Variants in PI4KA observed in about 807,000 individuals in gnomAD.
PI4KA encodes the protein phosphatidylinositol 4-kinase alpha.
Under a neutral mutation model 271.4 loss-of-function variants are expected in PI4KA, and 122 were observed. The ratio of observed to expected loss-of-function variants is 0.45; its 90% CI spans 0.39 to 0.52. PI4KA has a LOEUF of 0.52. Ranked by LOEUF, PI4KA falls within the 20% of genes least tolerant of loss-of-function variation. The pLI is 0.00. For synonymous variants in PI4KA, 1,041 were observed against 1,078.8 expected (o/e 0.96, Z 0.69); for missense variants, 1,969 against 2,769.1 (o/e 0.71, Z 6.48).
At chr22:20,753,773 G>A (rs534328341) in intron 23 of PI4KA, among the ~76,000 whole-genome samples, 16 of 152,030 alleles carry the variant, frequency 1.1e-4, no homozygotes, top group Non-Finnish European at 1.8e-4. Context: ...TGCAACCTCC[G>A]CCTCCTGGGT....
chr22:20,830,975 G>A (rs564668885), intron 3 of PI4KA, among the ~76,000 whole-genome samples: 1 of 152,238 alleles, frequency 6.6e-6, no homozygotes, highest in East Asian at 1.9e-4. Context: ...GTTTCACCAT[G>A]TTGGCCAGCC....
intron 42 of PI4KA, among the ~76,000 whole-genome samples, chr22:20,724,687 T>C (rs915660583): frequency 6.6e-6 from 1 of 151,690 alleles, no homozygotes; most frequent in Non-Finnish European, 1.5e-5. Context: ...GAGTCCTGAG[T>C]TGGTACAACC....
intron 1 of PI4KA, among the ~76,000 whole-genome samples, chr22:20,847,155 A>G (rs1211476422): frequency 6.6e-6 from 1 of 151,996 alleles, no homozygotes; most frequent in Non-Finnish European, 1.5e-5. Context: ...CTCAAAAAAA[A>G]AAAAAAAAAG....
chr22:20,719,569 T>C (rs1926445816), intron 43 of PI4KA, among the ~76,000 whole-genome samples: 1 of 152,124 alleles, frequency 6.6e-6, no homozygotes, highest in African/African-American at 2.4e-5. Flanking sequence ...CCTTTGTTTT[T>C]ACTTGAAGAA....
At chr22:20,790,636 G>C (rs1009788515) in intron 19 of PI4KA, among the ~76,000 whole-genome samples, 1 of 151,372 alleles carries the variant, frequency 6.6e-6, no homozygotes, top group Non-Finnish European at 1.5e-5. Context: ...ACTCCAGTCT[G>C]GGTGACAGAG....
intron 3 of PI4KA, among the ~76,000 whole-genome samples, chr22:20,829,582 CT>C (rs34438790): frequency 2.0e-4 from 29 of 146,350 alleles, no homozygotes; most frequent in Admixed American, 3.4e-4. Context: ...AGCTAGTGAT[CT>C]TTTTTTTTTT....
rs925953977 is a variant in PI4KA at position 20,807,391 on chromosome 22, A to C, written c.1139T>G (p.Met380Arg). 4 of 1,612,740 alleles carry C rather than the reference A, an allele frequency of 2.5e-6. No individual in the cohort carries two copies. The highest frequency in any genetic ancestry group is 3.4e-6 in the Non-Finnish European group (4 of 1,178,858). ...SDPLYLTMFK[M>R]LRDTLYYMKD... ...CATGTAGTACAGAGTGTCACGCAGCATCTTGAACATGGTCAGGTAGAGAGG... is the reference window on the plus strand; with the variant it reads ...CATGTAGTACAGAGTGTCACGCAGCCTCTTGAACATGGTCAGGTAGAGAGG... Residue 380 changes from methionine to arginine, a missense_variant, in exon 10 of 55, where the codon ATG becomes AGG. By Grantham distance (91) the Met-to-Arg change is moderately conservative (BLOSUM62 -1). Coordinates refer to ENST00000255882, the MANE Select transcript of PI4KA (RefSeq NM_058004.4).
At chr22:20,751,653 A>G (rs1930707020) in intron 26 of PI4KA, 21 bp downstream of exon 26, 5 of 1,603,902 alleles carry the variant, frequency 3.1e-6, no homozygotes, top group Non-Finnish European at 4.3e-6. Context: ...TTTGGGCCCT[A>G]GGTCTCCTGG....
chr22:20,720,847 T>C (rs1319707246), intron 43 of PI4KA, among the ~76,000 whole-genome samples: 1 of 152,234 alleles, frequency 6.6e-6, no homozygotes, highest in Non-Finnish European at 1.5e-5. Flanking sequence ...TGAAATTCTG[T>C]CTTAATCTCT....
At chr22:20,770,555 G>T (rs1454197010) in intron 19 of PI4KA, among the ~76,000 whole-genome samples, 4 of 131,370 alleles carry the variant, frequency 3.0e-5, no homozygotes, top group East Asian at 2.3e-4. Flanking sequence ...GATCGGTTTT[G>T]CTATGTTGCC....
intron 29 of PI4KA, 136 bp downstream of exon 29, chr22:20,747,447 T>C: frequency 1.2e-6 from 1 of 838,286 alleles, no homozygotes; most frequent in Admixed American, 2.8e-5. Context: ...ACCACTACCA[T>C]TGTCAACAGA....
chr22:20,807,403 G>A lies in PI4KA; in HGVS notation c.1127C>T (p.Thr376Ile). 1.2e-6 allele frequency: 2 copies of A among 1,613,620 alleles called. No homozygotes were observed. Among genetic ancestry groups the A allele is most frequent in the Non-Finnish European group, 1.7e-6 (2 of 1,179,546 alleles). ...YTSFSDPLYL[T>I]MFKMLRDTLY... ...AGTGTCACGCAGCATCTTGAACATG[G>A]TCAGGTAGAGAGGGTCACTGAAGGA... The change falls in exon 10 of 55, where the codon ACC becomes ATC. Residue 376 changes from threonine (T) to isoleucine (I), a missense_variant. Thr to Ile is a moderately conservative substitution (Grantham distance 89). This residue lies in a region of PI4KA where 540 missense variants were observed against 555.5 expected (regional missense o/e 0.97). Coordinates refer to ENST00000255882, the MANE Select transcript of PI4KA (RefSeq NM_058004.4).
rs1927982745 is a variant in PI4KA, at chr22:20,858,683, C to T, written c.43G>A (p.Gly15Ser). ...CCGGAGCCGGAGCAGCCGCCGCCGC[C>T]TCCGCCTCCGCCTCCGCCTCCCCGG... Reference protein sequence around the residue: ...PARGGGGGGGGGGGCSGSGSS... With the variant: ...PARGGGGGGGSGGGCSGSGSS... Residue 15 changes from glycine to serine, a missense_variant, in exon 1 of 55, where the codon GGC becomes AGC. By Grantham distance (56) the Gly-to-Ser change is moderately conservative. Around this residue, in one of 13 missense-constraint regions of PI4KA, gnomAD observed 540 missense variants for 555.5 expected, o/e 0.97. Transcript: ENST00000255882. The T allele has an allele frequency of 2.1e-6, 3 of 1,452,508 alleles. No individual in the cohort carries two copies. The East Asian group carries it at 8.9e-5, about 43-fold the overall frequency. 90.0% of individuals were successfully genotyped at this position (1,452,508 alleles called of 1,614,324 possible).
At chr22:20,719,472 A>C (rs1442902136) in intron 43 of PI4KA, among the ~76,000 whole-genome samples, 2 of 151,806 alleles carry the variant, frequency 1.3e-5, no homozygotes, top group African/African-American at 4.8e-5. Context: ...TGCACGAAGC[A>C]CTCTTGCCGC....
chr22:20,747,253 G>A (rs1390329937), intron 29 of PI4KA, among the ~76,000 whole-genome samples: 3 of 152,202 alleles, frequency 2.0e-5, no homozygotes, highest in African/African-American at 7.2e-5. Context: ...CTGTGGCATC[G>A]CGCTGCCCGT....
At chr22:20,804,151 GCAC>G in intron 12 of PI4KA, 146 bp downstream of exon 12, 1 of 627,380 alleles carries the variant, frequency 1.6e-6, no homozygotes, top group Non-Finnish European at 2.9e-6. Context: ...GATGAACTGT[GCAC>G]AGCACGCACT....
At chr22:20,730,527 G>A (rs748464623) in intron 36 of PI4KA, among the ~76,000 whole-genome samples, 21 of 151,416 alleles carry the variant, frequency 1.4e-4, no homozygotes, top group Non-Finnish European at 2.4e-4. Flanking sequence ...CACCCACCTC[G>A]GCCTCCCAAA....
chr22:20,787,547 CAT>C (rs1423949702), intron 19 of PI4KA: 1 of 217,536 alleles, frequency 4.6e-6, no homozygotes, highest in African/African-American at 2.3e-5. Context: ...CACCTCAAGA[CAT>C]ATGAGGGGTG....
chr22:20,784,516 G>A (rs1319447797), intron 19 of PI4KA, among the ~76,000 whole-genome samples: 1 of 152,096 alleles, frequency 6.6e-6, no homozygotes, highest in Non-Finnish European at 1.5e-5. Flanking sequence ...CTTGCTTTGT[G>A]GCTTCGAGTC....
Sources: gnomAD v4.1 joint callset for allele counts (sites outside exome capture counted in the v4.1 genomes callset) on GRCh38, gnomAD v4.1.1 for gene constraint, gnomAD v4.1.1 regional missense constraint, MANE v1.5 for transcripts, NCBI Gene and HGNC (gene_info 2026-07-23, HGNC 2026-07-21) for gene names.